WDR64: variants seen among roughly 807,000 people sequenced by gnomAD.
WDR64 encodes the protein WD repeat domain 64.
In WDR64, 112 loss-of-function variants were observed where a neutral mutation model predicts 139.3. The observed-to-expected ratio is 0.80, with a 90% confidence interval of 0.69 to 0.94. The LOEUF (loss-of-function observed/expected upper bound fraction) is 0.94. Among genes scored for constraint, WDR64 ranks in the 40% least tolerant of loss-of-function variants. WDR64 has a pLI of 0.00. For synonymous variants in WDR64, 444 were observed against 437.7 expected (o/e 1.01, Z -0.18); for missense variants, 1,206 against 1,293.1 (o/e 0.93, Z 1.03).
At position 241,772,932 on chromosome 1, in the gene WDR64, G is replaced by T; in HGVS notation, c.2430+1G>T. ...ACACCTCCGCTTGTGGACTCTGGAG[G>T]TAATGGAACCCAGCAAGTCTGGGAA... On this transcript the variant is annotated splice_donor_variant, in intron 20 of 27. Coordinates refer to ENST00000437684, the MANE Select transcript of WDR64 (RefSeq NM_001367482.1). LOFTEE classifies it high-confidence loss of function. 1 of 1,548,906 alleles carries T rather than the reference G, an allele frequency of 6.5e-7. No individual in the cohort carries two copies. Among genetic ancestry groups the T allele is most frequent in the Non-Finnish European group, 8.7e-7 (1 of 1,145,592 alleles).
chr1:241,800,480 A>C (rs1309472781), intron 27 of WDR64, among the ~76,000 whole-genome samples: 1 of 152,172 alleles, frequency 6.6e-6, no homozygotes, highest in Non-Finnish European at 1.5e-5. Context: ...AAAATAATCA[A>C]TGCAAAACAA....
chr1:241,664,275 A>G (rs78397417), intron 2 of WDR64, among the ~76,000 whole-genome samples: 4,231 of 152,298 alleles, frequency 0.028, 116 homozygotes, highest in South Asian at 0.1. Flanking sequence ...CTATTTTCTT[A>G]TGAATATTTC....
At chr1:241,801,012 T>C (rs1659507810) in intron 27 of WDR64, 120 bp from the exon 28 acceptor site, 2 of 741,994 alleles carry the variant, frequency 2.7e-6, no homozygotes, top group East Asian at 2.5e-5. Context: ...TAAATAACTA[T>C]TCATTTTTTT....
chr1:241,797,932 T>C (rs1335545981), intron 27 of WDR64, among the ~76,000 whole-genome samples: 1 of 152,194 alleles, frequency 6.6e-6, no homozygotes, highest in Non-Finnish European at 1.5e-5. Flanking sequence ...TGATGTTAAA[T>C]ATACTTTGCA....
chr1:241,677,351 G>T (rs1666596586), intron 4 of WDR64: 1 of 398,348 alleles, frequency 2.5e-6, no homozygotes, highest in Non-Finnish European at 4.4e-6. Flanking sequence ...TCAGTCCCGG[G>T]TTAGAAAAGC....
intron 8 of WDR64, among the ~76,000 whole-genome samples, chr1:241,709,603 G>A (rs1482926880): frequency 6.6e-6 from 1 of 152,096 alleles, no homozygotes; most frequent in African/African-American, 2.4e-5. Context: ...AACAGAGTGA[G>A]ACTCTGTCTC....
intron 8 of WDR64, among the ~76,000 whole-genome samples, chr1:241,691,363 G>C (rs1667274282): frequency 6.6e-6 from 1 of 152,118 alleles, no homozygotes; most frequent in African/African-American, 2.4e-5. Flanking sequence ...GTAGTTAAGA[G>C]ACAGAGATTG....
At chr1:241,688,294 A>T (rs1303726775) in intron 8 of WDR64, among the ~76,000 whole-genome samples, 2 of 152,222 alleles carry the variant, frequency 1.3e-5, no homozygotes, top group Non-Finnish European at 2.9e-5. Context: ...CAGGGATCCC[A>T]CATGGGCACA....
At position 241,660,512 on chromosome 1, in the gene WDR64, G is replaced by A. The variant is rs369821538; in HGVS notation, c.146-18G>A. On this transcript the variant is annotated intron_variant, in intron 1 of 27. Coordinates refer to ENST00000437684, the MANE Select transcript of WDR64 (RefSeq NM_001367482.1). ...CCTTGGAATTTGATGAAAATGGACT[G>A]TACTTTTTTCAATGCAGATGCAATT... 5.8e-6 allele frequency: 9 copies of A among 1,549,924 alleles called. No homozygotes were observed. The African/African-American group carries it at 1.1e-4, about 19-fold the overall frequency.
At position 241,683,666 on chromosome 1, in the gene WDR64, A is replaced by G. The variant is rs757426557; in HGVS notation, c.804A>G (p.Leu268=). The G allele has an allele frequency of 3.1e-5, 48 of 1,551,410 alleles. No homozygotes were observed. The highest frequency in any genetic ancestry group is 3.6e-5 in the Non-Finnish European group (41 of 1,146,884). ...AGCAGGCAAAATCCAAAAGAAAATT[A>G]CAAAATCAGGTCTTAGACTCAAAGA... is the stretch of plus-strand genomic sequence containing the variant. ...GIKQAKSKRK[L]QNQVLDSKNF... The change falls in exon 7 of 28, where the codon TTA becomes TTG. Residue 268 remains leucine (L), a synonymous_variant. Coordinates refer to ENST00000437684, the MANE Select transcript of WDR64 (RefSeq NM_001367482.1).
chr1:241,759,692 C>G (rs1357865703), intron 15 of WDR64, among the ~76,000 whole-genome samples: 1 of 152,022 alleles, frequency 6.6e-6, no homozygotes, highest in Non-Finnish European at 1.5e-5. Context: ...GAGATCTTCA[C>G]CTTTCTTTTT....
intron 8 of WDR64, among the ~76,000 whole-genome samples, chr1:241,710,644 G>A (rs979794960): frequency 1.3e-5 from 2 of 152,150 alleles, no homozygotes; most frequent in Non-Finnish European, 2.9e-5. Context: ...AACATCTTTG[G>A]CCTGTGCAAA....
Position 241,760,604 on chromosome 1 carries a change from T to C in WDR64, c.1947+3145T>C, listed in dbSNP as rs79914734. On this transcript the variant is annotated intron_variant, in intron 15 of 27. Coordinates refer to ENST00000437684, the MANE Select transcript of WDR64 (RefSeq NM_001367482.1). Reference sequence around the variant, plus strand: ...ATTAGAAGGAAAAGAACAACTTAGATAGAAAATTGACAAAAGATATGAAGA... The same window carrying C: ...ATTAGAAGGAAAAGAACAACTTAGACAGAAAATTGACAAAAGATATGAAGA... Among the ~76,000 whole-genome samples, 455 of 150,714 alleles carry C rather than the reference T, an allele frequency of 3.0e-3. 1 individual carries two copies. Among genetic ancestry groups the C allele is most frequent in the Non-Finnish European group, 3.6e-3 (245 of 67,690 alleles).
At chr1:241,761,573 T>C (rs548181322) in intron 15 of WDR64, among the ~76,000 whole-genome samples, 2 of 151,614 alleles carry the variant, frequency 1.3e-5, no homozygotes, top group African/African-American at 4.8e-5. Context: ...TATATATATG[T>C]ATATATAGAT....
chr1:241,784,146 A>C (rs1658949182), intron 23 of WDR64, among the ~76,000 whole-genome samples: 1 of 152,236 alleles, frequency 6.6e-6, no homozygotes, highest in African/African-American at 2.4e-5. Context: ...CTAGTGAGTT[A>C]GACAGACCAA....
chr1:241,728,884 A>G (rs1023260874), intron 10 of WDR64, among the ~76,000 whole-genome samples: 2 of 151,768 alleles, frequency 1.3e-5, no homozygotes, highest in Admixed American at 1.3e-4. Context: ...ACAGATTACA[A>G]ATGTATGTAA....
intron 25 of WDR64, among the ~76,000 whole-genome samples, chr1:241,793,940 G>C (rs1055198500): frequency 6.6e-6 from 1 of 152,170 alleles, no homozygotes; most frequent in Admixed American, 6.5e-5. Flanking sequence ...TCAACACTTT[G>C]GGAGGCTGAG....
At chr1:241,800,699 C>T (rs532326049) in intron 27 of WDR64, among the ~76,000 whole-genome samples, 1 of 152,254 alleles carries the variant, frequency 6.6e-6, no homozygotes, top group East Asian at 1.9e-4. Flanking sequence ...ATTTGTGTGA[C>T]TGATAATCAC....
At chr1:241,773,144 C>T (rs1658524563) in intron 20 of WDR64, among the ~76,000 whole-genome samples, 2 of 152,214 alleles carry the variant, frequency 1.3e-5, no homozygotes, top group Admixed American at 1.3e-4. Flanking sequence ...ATCATCAAAA[C>T]TGCTAACTTA....
Sources: gnomAD v4.1 joint callset for allele counts (sites outside exome capture counted in the v4.1 genomes callset) on GRCh38, gnomAD v4.1.1 for gene constraint, MANE v1.5 for transcripts, NCBI Gene and HGNC (gene_info 2026-07-23, HGNC 2026-07-21) for gene names.